Variants in LRMDA observed in about 807,000 individuals in gnomAD.
LRMDA encodes leucine-rich melanocyte differentiation-associated protein.
Under a neutral mutation model 29.8 loss-of-function variants are expected in LRMDA, and 18 were observed. That is an observed-to-expected ratio of 0.60 (90% CI 0.42 to 0.90). The LOEUF is 0.90. Among genes scored for constraint, LRMDA ranks in the 40% least tolerant of loss-of-function variants. The pLI is 0.00. For synonymous variants in LRMDA, 125 were observed against 109.4 expected (o/e 1.14, Z -0.89); for missense variants, 273 against 273.9 (o/e 1.00, Z 0.02).
At chr10:76,368,716 A>G (rs547117584) in intron 6 of LRMDA, among the ~76,000 whole-genome samples, 2 of 152,226 alleles carry the variant, frequency 1.3e-5, no homozygotes, top group South Asian at 4.1e-4. Context: ...GTCTCCCACT[A>G]TTATTGTGTT....
intron 6 of LRMDA, among the ~76,000 whole-genome samples, chr10:76,477,420 G>T (rs1842686072): frequency 1.3e-5 from 2 of 152,024 alleles, no homozygotes; most frequent in African/African-American, 4.8e-5. Flanking sequence ...ACAAATGGAA[G>T]AATATTCCAT....
intron 2 of LRMDA, among the ~76,000 whole-genome samples, chr10:75,723,147 C>T (rs114685929): frequency 0.012 from 1,809 of 152,330 alleles, 32 homozygotes; most frequent in African/African-American, 0.039. Context: ...GCATGTGCCC[C>T]TGGGCATTAA....
intron 2 of LRMDA, among the ~76,000 whole-genome samples, chr10:75,838,750 A>G (rs1844485022): frequency 6.6e-6 from 1 of 152,252 alleles, no homozygotes; most frequent in South Asian, 2.1e-4. Context: ...TGTTTTAAGC[A>G]TTCTTGGTAA....
intron 6 of LRMDA, among the ~76,000 whole-genome samples, chr10:76,464,086 A>G (rs1041544366): frequency 6.6e-6 from 1 of 151,530 alleles, no homozygotes; most frequent in African/African-American, 2.4e-5. Context: ...CGCCCAGCTA[A>G]TTTTGTATTT....
Position 75,757,880 on chromosome 10 carries a change from AC to A in LRMDA, c.132-278126del, listed in dbSNP as rs1843051964. Among the ~76,000 whole-genome samples the A allele has an allele frequency of 2.0e-5, 3 of 150,728 alleles. No individual in the cohort carries two copies. In the South Asian group the frequency reaches 6.4e-4, roughly 32 times the overall value. On this transcript the variant is annotated intron_variant, in intron 2 of 6. Coordinates refer to ENST00000611255, the MANE Select transcript of LRMDA (RefSeq NM_001305581.2). ...AGTGGTGTGATCTCAGCTCACTGCAACCTCCACCTCCTGGGTTCAAGCAATT... is the reference window on the plus strand; with the variant it reads ...AGTGGTGTGATCTCAGCTCACTGCAACTCCACCTCCTGGGTTCAAGCAATT...
chr10:75,881,387 C>T (rs1239466459), intron 2 of LRMDA, among the ~76,000 whole-genome samples: 17 of 152,162 alleles, frequency 1.1e-4, no homozygotes, highest in African/African-American at 3.6e-4. Flanking sequence ...AACCTAACGC[C>T]GATTCACGCT....
intron 2 of LRMDA, among the ~76,000 whole-genome samples, chr10:75,587,277 T>A (rs1013110550): frequency 6.6e-6 from 1 of 152,170 alleles, no homozygotes; most frequent in African/African-American, 2.4e-5. Flanking sequence ...CTTTTGGTAG[T>A]GGGTTGAAAA....
intron 2 of LRMDA, among the ~76,000 whole-genome samples, chr10:75,657,546 A>G (rs1455945174): frequency 1.3e-5 from 2 of 152,160 alleles, no homozygotes; most frequent in Non-Finnish European, 2.9e-5. Context: ...CTCACTTTCT[A>G]GTTGTGTGGC....
intron 5 of LRMDA, among the ~76,000 whole-genome samples, chr10:76,282,584 G>A (rs1358490096): frequency 2.0e-5 from 3 of 152,200 alleles, no homozygotes; most frequent in Non-Finnish European, 2.9e-5. Context: ...CATAGCACAA[G>A]TGTTTCTCAA....
chr10:76,119,892 G>T (rs1849749768), intron 5 of LRMDA, among the ~76,000 whole-genome samples: 1 of 152,122 alleles, frequency 6.6e-6, no homozygotes, highest in Non-Finnish European at 1.5e-5. Context: ...TTTTTCAGTT[G>T]ATTCTTACCA....
At chr10:75,915,785 C>T (rs1013663281) in intron 2 of LRMDA, among the ~76,000 whole-genome samples, 1 of 152,148 alleles carries the variant, frequency 6.6e-6, no homozygotes, top group African/African-American at 2.4e-5. Context: ...ACCTAAGAGG[C>T]TGTCTATTCA....
At chr10:76,492,961 C>G (rs756256608) in intron 6 of LRMDA, among the ~76,000 whole-genome samples, 5 of 151,946 alleles carry the variant, frequency 3.3e-5, no homozygotes, top group Non-Finnish European at 5.9e-5. Context: ...AGAGCCAAAC[C>G]ATATCAGACC....
chr10:76,398,656 A>C (rs1414014077), intron 6 of LRMDA, among the ~76,000 whole-genome samples: 1 of 152,248 alleles, frequency 6.6e-6, no homozygotes, highest in East Asian at 1.9e-4. Flanking sequence ...TTACATTCAG[A>C]CATTCAATCA....
At chr10:76,227,889 C>A (rs1207646909) in intron 5 of LRMDA, among the ~76,000 whole-genome samples, 3 of 152,122 alleles carry the variant, frequency 2.0e-5, no homozygotes, top group South Asian at 2.1e-4. Context: ...AGATGAGATA[C>A]CCACAGACCA....
chr10:76,463,282 G>A (rs1441529755), intron 6 of LRMDA, among the ~76,000 whole-genome samples: 3 of 152,196 alleles, frequency 2.0e-5, no homozygotes, highest in Non-Finnish European at 4.4e-5. Flanking sequence ...CAACAACAGT[G>A]AAATGAGATG....
chr10:75,961,165 G>A (rs1390201276), intron 2 of LRMDA, among the ~76,000 whole-genome samples: 1 of 152,122 alleles, frequency 6.6e-6, no homozygotes, highest in Non-Finnish European at 1.5e-5. Flanking sequence ...GCAGAGAGAA[G>A]AAAAATATTT....
chr10:75,887,969 T>A (rs972797452), intron 2 of LRMDA, among the ~76,000 whole-genome samples: 1 of 152,252 alleles, frequency 6.6e-6, no homozygotes, highest in Non-Finnish European at 1.5e-5. Flanking sequence ...TTTTATTTTT[T>A]CCACTTTCTT....
chr10:75,632,955 T>C (rs1439866190), intron 2 of LRMDA, among the ~76,000 whole-genome samples: 1 of 151,958 alleles, frequency 6.6e-6, no homozygotes, highest in Admixed American at 6.6e-5. Flanking sequence ...GGCTCCTCCC[T>C]GTGGGTTAAG....
At chr10:76,412,397 A>C (rs797017477) in intron 6 of LRMDA, among the ~76,000 whole-genome samples, 8 of 152,280 alleles carry the variant, frequency 5.3e-5, no homozygotes, top group African/African-American at 1.7e-4. Flanking sequence ...ACACAACCTT[A>C]TTTGTTCTTC....
Sources: gnomAD v4.1 joint callset for allele counts (sites outside exome capture counted in the v4.1 genomes callset) on GRCh38, gnomAD v4.1.1 for gene constraint, MANE v1.5 for transcripts, NCBI Gene and HGNC (gene_info 2026-07-23, HGNC 2026-07-21) for gene names.